ZMYM4: variants seen among roughly 807,000 people sequenced by gnomAD.
The protein encoded by ZMYM4 is zinc finger MYM-type protein 4.
ZMYM4 carries 31 observed loss-of-function variants against 183.2 expected under a neutral mutation model. The ratio of observed to expected loss-of-function variants is 0.17; its 90% CI spans 0.13 to 0.23. The LOEUF is 0.23. Among genes scored for constraint, ZMYM4 ranks in the 10% least tolerant of loss-of-function variants. The probability of loss-of-function intolerance (pLI) is 1.00; values close to 1 mark genes in which losing one functional copy is unlikely to be tolerated. For synonymous variants in ZMYM4, 592 were observed against 631.2 expected, an observed-to-expected ratio of 0.94 and a Z score of 0.93; for missense variants, 1,273 against 1,840.3, an observed-to-expected ratio of 0.69 and a Z score of 5.64.
At chr1:35,370,732 T>TC in intron 7 of ZMYM4, 105 bp downstream of exon 7, 1 of 1,123,332 alleles carries the variant, frequency 8.9e-7, no homozygotes, top group Non-Finnish European at 1.1e-6. Flanking sequence ...TATTCCTTTT[T>TC]TTTTTTTTTT....
At chr1:35,322,021 C>T (rs1418413708) in intron 1 of ZMYM4, among the ~76,000 whole-genome samples, 1 of 151,272 alleles carries the variant, frequency 6.6e-6, no homozygotes, top group African/African-American at 2.4e-5. Context: ...AGAGACTGTG[C>T]AGCCACTGGA....
chr1:35,380,313 AT>A (rs1484385044), intron 7 of ZMYM4, among the ~76,000 whole-genome samples: 3 of 149,556 alleles, frequency 2.0e-5, no homozygotes, highest in African/African-American at 4.9e-5. Context: ...TTATTTATTT[AT>A]TTTATTTATT....
At chr1:35,326,687 T>TCA (rs141928423) in intron 2 of ZMYM4, among the ~76,000 whole-genome samples, 8 of 151,932 alleles carry the variant, frequency 5.3e-5, no homozygotes, top group Non-Finnish European at 8.8e-5. Flanking sequence ...ACAGTGTGCT[T>TCA]CACACACACA....
intron 1 of ZMYM4, among the ~76,000 whole-genome samples, chr1:35,298,704 C>T (rs1007987607): frequency 4.6e-5 from 7 of 152,194 alleles, no homozygotes; most frequent in African/African-American, 1.7e-4. Context: ...AAGCCCCTTC[C>T]TTCTAGAGTA....
At chr1:35,362,612 TTA>T (rs1325915094) in intron 5 of ZMYM4, among the ~76,000 whole-genome samples, 1 of 152,210 alleles carries the variant, frequency 6.6e-6, no homozygotes, top group Non-Finnish European at 1.5e-5. Context: ...TGGGGGAAGC[TTA>T]TATTTTCCTA....
Position 35,405,158 on chromosome 1 carries a change from A to C in ZMYM4, c.3664A>C (p.Asn1222His). 2.5e-6 allele frequency: 4 copies of C among 1,614,094 alleles called. No homozygotes were observed. The highest frequency in any genetic ancestry group is 3.4e-6 in the Non-Finnish European group (4 of 1,179,982). The change falls in exon 24 of 30, where the codon AAT becomes CAT. Residue 1222 changes from asparagine to histidine, a missense_variant. Coordinates refer to ENST00000314607, the MANE Select transcript of ZMYM4 (RefSeq NM_005095.3). ...TTGGAAGAACTGGGTTCAGTGGAAA[A>C]ATGCCAAGGAAGAGCAGGGGGATCT... ...NAWKNWVQWK[N>H]AKEEQGDLKC...
At chr1:35,284,470 CA>C (rs1047228716) in intron 1 of ZMYM4, among the ~76,000 whole-genome samples, 6 of 151,990 alleles carry the variant, frequency 3.9e-5, no homozygotes, top group Non-Finnish European at 8.8e-5. Context: ...GTTTATGGTA[CA>C]AAGTAAGTGT....
chr1:35,335,846 G>T (rs1255758291), intron 2 of ZMYM4, among the ~76,000 whole-genome samples: 1 of 152,096 alleles, frequency 6.6e-6, no homozygotes, highest in Non-Finnish European at 1.5e-5. Flanking sequence ...CCAGCTACTC[G>T]GGAGGCTGAG....
intron 15 of ZMYM4, among the ~76,000 whole-genome samples, chr1:35,390,729 CAAAT>C (rs1309728425): frequency 1.3e-5 from 2 of 152,090 alleles, no homozygotes; most frequent in Non-Finnish European, 2.9e-5. Context: ...AATATTGAAT[CAAAT>C]AAACTCTGTA....
intron 2 of ZMYM4, among the ~76,000 whole-genome samples, chr1:35,355,676 T>A (rs1643796956): frequency 6.6e-6 from 1 of 152,326 alleles, no homozygotes; most frequent in South Asian, 2.1e-4. Flanking sequence ...CTTTTATATT[T>A]TTATTTATAA....
chr1:35,363,568 G>GT (rs1643996371), intron 5 of ZMYM4, among the ~76,000 whole-genome samples: 1 of 152,174 alleles, frequency 6.6e-6, no homozygotes, highest in South Asian at 2.1e-4. Context: ...TTGATGCTCA[G>GT]TTAGCATGAA....
chr1:35,280,745 G>C (rs1447455968), intron 1 of ZMYM4, among the ~76,000 whole-genome samples: 2 of 151,960 alleles, frequency 1.3e-5, no homozygotes, highest in African/African-American at 4.8e-5. Context: ...TTATCTCTTT[G>C]TCTCTCTTGT....
intron 1 of ZMYM4, among the ~76,000 whole-genome samples, chr1:35,323,534 T>A (rs902746315): frequency 6.6e-6 from 1 of 151,358 alleles, no homozygotes; most frequent in Non-Finnish European, 1.5e-5. Flanking sequence ...TCGTTTTTTG[T>A]TTTTTGTTTT....
chr1:35,302,551 A>G (rs1641339834), intron 1 of ZMYM4, among the ~76,000 whole-genome samples: 1 of 150,926 alleles, frequency 6.6e-6, no homozygotes, highest in Non-Finnish European at 1.5e-5. Flanking sequence ...ATGCCCCACT[A>G]ATTTTTTGTA....
Position 35,387,145 on chromosome 1 carries a change from G to T in ZMYM4, c.1979G>T (p.Ser660Ile). The change falls in exon 12 of 30, where the codon AGC (serine) becomes ATC (isoleucine). Residue 660 changes from serine (S) to isoleucine (I), a missense_variant. Ser to Ile is a moderately radical substitution (Grantham distance 142, BLOSUM62 -2). Around this residue, in one of 6 missense-constraint regions of ZMYM4, gnomAD observed 319 missense variants for 518.1 expected, o/e 0.62. Coordinates refer to ENST00000314607, the MANE Select transcript of ZMYM4 (RefSeq NM_005095.3). Reference protein sequence around the residue: ...TSAVSPTSISSSAAAGLQRLA... With the variant: ...TSAVSPTSISISAAAGLQRLA... Reference sequence around the variant, plus strand: ...GCTGTTTCTCCCACCTCCATCAGTAGCTCTGCTGCAGCTGGTCTCCAGCGT... The same window carrying T: ...GCTGTTTCTCCCACCTCCATCAGTATCTCTGCTGCAGCTGGTCTCCAGCGT... 5 of 1,614,232 alleles carry T rather than the reference G, an allele frequency of 3.1e-6. No homozygotes were observed. Among genetic ancestry groups the T allele is most frequent in the Non-Finnish European group, 4.2e-6 (5 of 1,180,042 alleles).
At position 35,299,530 on chromosome 1, in the gene ZMYM4, A is replaced by T. The variant is rs2138086; in HGVS notation, c.40-25830A>T. Reference sequence around the variant, plus strand: ...TTTGTAAATGAAGTAGTGGCCCCCAATGAGAGGCTGAAGTTAAGTTACAAA... The same window carrying T: ...TTTGTAAATGAAGTAGTGGCCCCCATTGAGAGGCTGAAGTTAAGTTACAAA... On this transcript the variant is annotated intron_variant, in intron 1 of 29. Transcript: ENST00000314607. Among the ~76,000 whole-genome samples the T allele has an allele frequency of 1.6e-4, 25 of 152,240 alleles. No individual in the cohort carries two copies. The East Asian group carries it at 4.2e-3, about 26-fold the overall frequency.
chr1:35,409,006 T>C (rs1002587300), intron 26 of ZMYM4, among the ~76,000 whole-genome samples: 3 of 152,216 alleles, frequency 2.0e-5, no homozygotes, highest in African/African-American at 7.2e-5. Context: ...CTATTCTGGA[T>C]ATTTTGTATC....
chr1:35,322,717 T>C (rs1471103035), intron 1 of ZMYM4, among the ~76,000 whole-genome samples: 1 of 152,220 alleles, frequency 6.6e-6, no homozygotes, highest in African/African-American at 2.4e-5. Context: ...TTAGATGTAG[T>C]CTTGCCCTGT....
chr1:35,298,260 T>G (rs1476294370), intron 1 of ZMYM4, among the ~76,000 whole-genome samples: 1 of 152,110 alleles, frequency 6.6e-6, no homozygotes, highest in Non-Finnish European at 1.5e-5. Context: ...ATAAAAATAT[T>G]AGCTGGACAT....
Sources: gnomAD v4.1 joint callset for allele counts (sites outside exome capture counted in the v4.1 genomes callset) on GRCh38, gnomAD v4.1.1 for gene constraint, gnomAD v4.1.1 regional missense constraint, MANE v1.5 for transcripts, NCBI Gene and HGNC (gene_info 2026-07-23, HGNC 2026-07-21) for gene names.